Variants in CADM2 observed in about 807,000 individuals in gnomAD.
CADM2 encodes cell adhesion molecule 2.
A neutral mutation model predicts 49.8 loss-of-function variants in CADM2; 12 were observed. The ratio of observed to expected loss-of-function variants is 0.24; its 90% CI spans 0.15 to 0.39. The LOEUF (loss-of-function observed/expected upper bound fraction) is 0.39, where lower values mean the gene tolerates loss of function less well. CADM2 is among the 10% of genes least tolerant of loss of function. The pLI, the probability that CADM2 is intolerant of heterozygous loss-of-function variation, is 1.00. For missense variants in CADM2, 378 were observed against 492.3 expected (o/e 0.77, Z 2.20); for synonymous variants, 214 against 175.4 (o/e 1.22, Z -1.74).
intron 1 of CADM2, among the ~76,000 whole-genome samples, chr3:85,609,387 C>A (rs1363286921): frequency 6.6e-6 from 1 of 152,114 alleles, no homozygotes; most frequent in East Asian, 1.9e-4. Context: ...GTTCCTTAAG[C>A]AGGAAGAACA....
In CADM2 at chr3:85,495,407, G is replaced by A. The variant is rs558852488; in HGVS notation, c.62-231115G>A. On this transcript the variant is annotated intron_variant, in intron 1 of 9. Coordinates refer to ENST00000383699, the MANE Select transcript of CADM2 (RefSeq NM_001167675.2). Reference sequence around the variant, plus strand: ...CTTGGACAGGGAGTGGATTCACATCGTTATTTCTTCCTTTAGCTAAAACTG... The same window carrying A: ...CTTGGACAGGGAGTGGATTCACATCATTATTTCTTCCTTTAGCTAAAACTG... Among the ~76,000 whole-genome samples, 6 of 152,110 alleles carry A rather than the reference G, an allele frequency of 3.9e-5. No homozygotes were observed. The South Asian group carries it at 6.2e-4, about 16-fold the overall frequency.
chr3:85,220,867 A>T (rs1350148954), intron 1 of CADM2, among the ~76,000 whole-genome samples: 1 of 152,180 alleles, frequency 6.6e-6, no homozygotes, highest in Non-Finnish European at 1.5e-5. Flanking sequence ...AATACTCTAA[A>T]CTGAGTCTAT....
At chr3:85,821,024 A>G (rs1039379019) in intron 3 of CADM2, among the ~76,000 whole-genome samples, 3 of 152,216 alleles carry the variant, frequency 2.0e-5, no homozygotes, top group Admixed American at 2.0e-4. Flanking sequence ...TCCTGCAGTT[A>G]CAAGTTGCAA....
In CADM2 at chr3:85,502,583, G is replaced by A. The variant is rs552409619; in HGVS notation, c.62-223939G>A. Among the ~76,000 whole-genome samples, 7 of 152,214 alleles carry A rather than the reference G, an allele frequency of 4.6e-5. No homozygotes were observed. In the South Asian group the frequency reaches 1.0e-3, roughly 23 times the overall value. On this transcript the variant is annotated intron_variant, in intron 1 of 9. Coordinates refer to ENST00000383699, the MANE Select transcript of CADM2 (RefSeq NM_001167675.2). ...AAGGGCTTTTAAACATGTCCAAAATGTCTACCAAATTTTCAACAGGAGTGA... is the reference window on the plus strand; with the variant it reads ...AAGGGCTTTTAAACATGTCCAAAATATCTACCAAATTTTCAACAGGAGTGA...
intron 1 of CADM2, among the ~76,000 whole-genome samples, chr3:85,350,614 A>C (rs1477240627): frequency 6.6e-6 from 1 of 152,184 alleles, no homozygotes. Context: ...AAATACTGTG[A>C]TCTTTCATAG....
chr3:85,016,327 T>G (rs1355197800), intron 1 of CADM2, among the ~76,000 whole-genome samples: 1 of 152,204 alleles, frequency 6.6e-6, no homozygotes, highest in Non-Finnish European at 1.5e-5. Flanking sequence ...CCAAAACCAT[T>G]TCCAACAAGC....
chr3:86,019,915 A>G (rs1204244420), intron 8 of CADM2, among the ~76,000 whole-genome samples: 1 of 152,136 alleles, frequency 6.6e-6, no homozygotes, highest in Non-Finnish European at 1.5e-5. Context: ...ACACCCTAAC[A>G]TCACAATTAA....
chr3:85,770,268 G>C (rs2070009535), intron 2 of CADM2, among the ~76,000 whole-genome samples: 1 of 152,094 alleles, frequency 6.6e-6, no homozygotes, highest in Non-Finnish European at 1.5e-5. Context: ...TCACATGGCT[G>C]TAAAAACCAC....
intron 1 of CADM2, among the ~76,000 whole-genome samples, chr3:85,251,700 A>G (rs2042777618): frequency 6.6e-6 from 1 of 151,972 alleles, no homozygotes; most frequent in South Asian, 2.1e-4. Context: ...GTATCTTTAC[A>G]GGGGAGTATA....
intron 3 of CADM2, among the ~76,000 whole-genome samples, chr3:85,809,712 C>G (rs148537717): frequency 6.2e-4 from 66 of 106,320 alleles, no homozygotes; most frequent in African/African-American, 1.5e-3. Context: ...TCCTTCCTTC[C>G]TTCCTTCGTT....
At chr3:85,955,873 T>A (rs545098117) in intron 7 of CADM2, among the ~76,000 whole-genome samples, 2 of 151,746 alleles carry the variant, frequency 1.3e-5, no homozygotes, top group African/African-American at 4.8e-5. Flanking sequence ...CCTCAGGATA[T>A]TTGAGAATAA....
chr3:85,287,915 G>A (rs1172606243), intron 1 of CADM2, among the ~76,000 whole-genome samples: 1 of 148,714 alleles, frequency 6.7e-6, no homozygotes, highest in Non-Finnish European at 1.5e-5. Context: ...CATGGACACA[G>A]GAAGGGGAAC....
chr3:85,438,087 G>T (rs890657957), intron 1 of CADM2, among the ~76,000 whole-genome samples: 1 of 151,840 alleles, frequency 6.6e-6, no homozygotes, highest in African/African-American at 2.4e-5. Flanking sequence ...AAAATAATGT[G>T]ATTGGAATAC....
At chr3:85,758,727 G>A (rs915907512) in intron 2 of CADM2, among the ~76,000 whole-genome samples, 1 of 152,028 alleles carries the variant, frequency 6.6e-6, no homozygotes, top group Non-Finnish European at 1.5e-5. Context: ...CTCACCCAAG[G>A]TGAATCTTAT....
chr3:85,020,681 A>G (rs539135065), intron 1 of CADM2, among the ~76,000 whole-genome samples: 1 of 152,134 alleles, frequency 6.6e-6, no homozygotes, highest in Non-Finnish European at 1.5e-5. Flanking sequence ...TATAACACAT[A>G]TCACCTTAAA....
At chr3:85,824,721 G>GAC (rs1313271751) in intron 3 of CADM2, among the ~76,000 whole-genome samples, 1 of 152,092 alleles carries the variant, frequency 6.6e-6, no homozygotes, top group Non-Finnish European at 1.5e-5. Context: ...CTTTCTGGGT[G>GAC]TTTATTTGCT....
chr3:85,389,393 A>G (rs1422110840), intron 1 of CADM2, among the ~76,000 whole-genome samples: 1 of 152,186 alleles, frequency 6.6e-6, no homozygotes, highest in East Asian at 1.9e-4. Flanking sequence ...TGCAGAAAAT[A>G]TGAGGAAAAC....
chr3:85,634,143 A>G (rs994213787), intron 1 of CADM2, among the ~76,000 whole-genome samples: 1 of 152,080 alleles, frequency 6.6e-6, no homozygotes, highest in Admixed American at 6.6e-5. Flanking sequence ...TCAGAAAGGT[A>G]GTAGAGAAGA....
chr3:85,003,953 A>G (rs1324755534), intron 1 of CADM2, among the ~76,000 whole-genome samples: 1 of 152,158 alleles, frequency 6.6e-6, no homozygotes, highest in Non-Finnish European at 1.5e-5. Flanking sequence ...TATAGCTTCA[A>G]AATTATAAAA....
Sources: allele counts gnomAD v4.1 joint callset (sites outside exome capture counted in the v4.1 genomes callset), GRCh38; gene constraint gnomAD v4.1.1; transcripts MANE v1.5; gene names NCBI Gene and HGNC (gene_info 2026-07-23, HGNC 2026-07-21).